The following ASTN2 variants were observed in gnomAD, a reference collection of about 807,000 sequenced individuals.
ASTN2 encodes astrotactin 2.
A neutral mutation model predicts 139.8 loss-of-function variants in ASTN2; 54 were observed. The observed-to-expected ratio is 0.39, with a 90% CI of 0.31 to 0.48. The LOEUF is 0.48. Among genes scored for constraint, ASTN2 ranks in the 20% least tolerant of loss-of-function variants. ASTN2 has a pLI of 0.95. For synonymous variants in ASTN2, 756 were observed against 719.5 expected (o/e 1.05, Z -0.81); for missense variants, 1,565 against 1,725.1 (o/e 0.91, Z 1.64).
intron 2 of ASTN2, among the ~76,000 whole-genome samples, chr9:117,222,605 A>G (rs1190607072): frequency 2.0e-5 from 3 of 152,246 alleles, no homozygotes; most frequent in Admixed American, 1.3e-4. Context: ...CTTTACCTGG[A>G]ATGATGCCCT....
intron 2 of ASTN2, among the ~76,000 whole-genome samples, chr9:117,235,335 A>G (rs1833014937): frequency 6.6e-6 from 1 of 152,172 alleles, no homozygotes; most frequent in Non-Finnish European, 1.5e-5. Flanking sequence ...GCATTATTAA[A>G]ACAAATCAAT....
At chr9:117,255,400 T>A (rs1381361251) in intron 2 of ASTN2, among the ~76,000 whole-genome samples, 1 of 152,232 alleles carries the variant, frequency 6.6e-6, no homozygotes, top group Non-Finnish European at 1.5e-5. Context: ...TAACCCACAC[T>A]GTTCCCTTGG....
At chr9:116,968,238 AG>A (rs1285771269) in intron 10 of ASTN2, among the ~76,000 whole-genome samples, 1 of 152,168 alleles carries the variant, frequency 6.6e-6, no homozygotes, top group Non-Finnish European at 1.5e-5. Context: ...TCTAGAGCCT[AG>A]CACAATGTTC....
At chr9:116,559,529 C>G (rs2131658664) in intron 19 of ASTN2, among the ~76,000 whole-genome samples, 1 of 152,272 alleles carries the variant, frequency 6.6e-6, no homozygotes, top group South Asian at 2.1e-4. Context: ...ACATGTCTAA[C>G]TGCAGAAGTA....
intron 7 of ASTN2, among the ~76,000 whole-genome samples, chr9:117,005,499 G>T (rs1222963391): frequency 1.3e-5 from 2 of 152,066 alleles, no homozygotes; most frequent in East Asian, 3.9e-4. Context: ...CCTCAATGTG[G>T]TCAATCCAGG....
intron 10 of ASTN2, among the ~76,000 whole-genome samples, chr9:116,880,292 T>C (rs1445191753): frequency 6.6e-6 from 1 of 152,190 alleles, no homozygotes; most frequent in Non-Finnish European, 1.5e-5. Context: ...AACTCCAGCA[T>C]AGACCCCAGA....
At chr9:116,876,773 G>T (rs902168500) in intron 10 of ASTN2, among the ~76,000 whole-genome samples, 1 of 152,122 alleles carries the variant, frequency 6.6e-6, no homozygotes. Context: ...ATTAAGGTAT[G>T]TACATTATTT....
intron 1 of ASTN2, among the ~76,000 whole-genome samples, chr9:117,380,442 T>G (rs997894249): frequency 1.3e-5 from 2 of 151,802 alleles, no homozygotes; most frequent in African/African-American, 2.4e-5. Context: ...CTGTCTCTAC[T>G]AAAAATACAA....
intron 10 of ASTN2, among the ~76,000 whole-genome samples, chr9:116,970,420 A>C (rs954954910): frequency 6.6e-6 from 1 of 152,292 alleles, no homozygotes. Context: ...TTGGCATAGA[A>C]GTTTTGAGTC....
intron 10 of ASTN2, among the ~76,000 whole-genome samples, chr9:116,884,355 T>C (rs1000985196): frequency 3.9e-5 from 6 of 152,156 alleles, no homozygotes; most frequent in African/African-American, 1.4e-4. Context: ...TTGTTAGGGC[T>C]GCCTTAGCAG....
chr9:117,339,700 C>G (rs1829003901), intron 1 of ASTN2, among the ~76,000 whole-genome samples: 1 of 151,808 alleles, frequency 6.6e-6, no homozygotes, highest in African/African-American at 2.4e-5. Flanking sequence ...AAAATGGATA[C>G]ATTAATATTG....
intron 16 of ASTN2, among the ~76,000 whole-genome samples, chr9:116,680,591 A>G (rs1859791924): frequency 6.6e-6 from 1 of 152,248 alleles, no homozygotes; most frequent in South Asian, 2.1e-4. Flanking sequence ...TTTTAGATCA[A>G]TATCCTTGAT....
chr9:116,454,790 C>T (rs574457314), intron 20 of ASTN2, among the ~76,000 whole-genome samples: 5 of 152,092 alleles, frequency 3.3e-5, no homozygotes, highest in African/African-American at 9.7e-5. Context: ...ATCGCAAGGA[C>T]AGAAAACCAA....
In ASTN2 at chr9:116,670,986, GA is replaced by G. The variant is rs574284959; in HGVS notation, c.2807-19194del. Among the ~76,000 whole-genome samples the G allele has an allele frequency of 1.3e-4, 19 of 151,696 alleles. 1 individual carries two copies. The highest frequency in any genetic ancestry group is 1.6e-4 in the Non-Finnish European group (11 of 67,874). The stretch of plus-strand genomic sequence containing the variant: ...CAACTCAAGGAAATAAACTAGAAAG[GA>G]AAAAAAATGTATCTGCACAAGGACA... On this transcript the variant is annotated intron_variant, in intron 16 of 22. Coordinates refer to ENST00000313400, the MANE Select transcript of ASTN2 (RefSeq NM_001365068.1).
intron 1 of ASTN2, among the ~76,000 whole-genome samples, chr9:117,395,788 G>A (rs970443550): frequency 3.3e-5 from 5 of 152,140 alleles, no homozygotes; most frequent in African/African-American, 9.7e-5. Flanking sequence ...CAAGGTGAGG[G>A]CAAAAAGGAC....
At chr9:116,511,860 C>A (rs1850400860) in intron 19 of ASTN2, among the ~76,000 whole-genome samples, 1 of 152,188 alleles carries the variant, frequency 6.6e-6, no homozygotes, top group South Asian at 2.1e-4. Context: ...TCTCCTTTAT[C>A]ATTTTTTATT....
At chr9:116,895,947 T>C (rs974109761) in intron 10 of ASTN2, among the ~76,000 whole-genome samples, 29 of 152,330 alleles carry the variant, frequency 1.9e-4, no homozygotes, top group African/African-American at 5.3e-4. Context: ...AGAAGACCAA[T>C]TGATTTTTAA....
intron 11 of ASTN2, among the ~76,000 whole-genome samples, chr9:116,847,048 CA>C (rs1216533140): frequency 1.9e-4 from 19 of 101,710 alleles, no homozygotes; most frequent in African/African-American, 5.9e-4. Context: ...AAACAAAAAA[CA>C]AAAAAAAACA....
chr9:116,802,744 A>T (rs1830896493), intron 13 of ASTN2, among the ~76,000 whole-genome samples: 1 of 152,336 alleles, frequency 6.6e-6, no homozygotes, highest in South Asian at 2.1e-4. Context: ...CATTTTAAAG[A>T]TGAAGCAGTA....
Sources: gnomAD v4.1 joint callset for allele counts (sites outside exome capture counted in the v4.1 genomes callset) on GRCh38, gnomAD v4.1.1 for gene constraint, MANE v1.5 for transcripts, NCBI Gene and HGNC (gene_info 2026-07-23, HGNC 2026-07-21) for gene names.